Variants in HTR2C observed in about 807,000 individuals in gnomAD.
HTR2C encodes 5-hydroxytryptamine receptor 2C.
In HTR2C, 5 loss-of-function variants were observed where a neutral mutation model predicts 21.0. That is an observed-to-expected ratio of 0.24 (90% CI 0.12 to 0.50). The LOEUF (loss-of-function observed/expected upper bound fraction) is 0.50. HTR2C is among the 20% of genes least tolerant of loss of function. The pLI, the probability that HTR2C is intolerant of heterozygous loss-of-function variation, is 0.98. For synonymous variants in HTR2C, 150 were observed against 145.3 expected, an observed-to-expected ratio of 1.03 and a Z score of -0.23; for missense variants, 271 against 371.2, an observed-to-expected ratio of 0.73 and a Z score of 2.22.
intron 2 of HTR2C, among the ~76,000 whole-genome samples, chrX:114,614,686 C>T (rs1220439898): frequency 9.0e-6 from 1 of 111,657 alleles, no homozygotes; most frequent in Non-Finnish European, 1.9e-5. Context: ...ACTTAAAAAT[C>T]TCAGCAGGAG....
chrX:114,720,515 T>C (rs1933153161), intron 2 of HTR2C, among the ~76,000 whole-genome samples: 1 of 36,017 alleles, frequency 2.8e-5, no homozygotes, highest in Admixed American at 5.7e-4. Flanking sequence ...TATTTCTTTT[T>C]CTTTTTTTTT....
chrX:114,835,350 A>T (rs1234867997), intron 4 of HTR2C, among the ~76,000 whole-genome samples: 6 of 107,292 alleles, frequency 5.6e-5, no homozygotes, highest in African/African-American at 2.0e-4. Context: ...CACCAATCAG[A>T]CCTAGATTTG....
chrX:114,903,864 C>G lies in HTR2C; in HGVS notation c.551-2725C>G, dbSNP rs953491869. 6.2e-5 allele frequency among the ~76,000 whole-genome samples: 7 copies of G among 112,010 alleles called. No individual in the cohort carries two copies. The Admixed American group carries it at 6.7e-4, about 11-fold the overall frequency. Reference sequence around the variant, plus strand: ...CAAATTCCCCAGATTGAGTCTCTAGCCCCACGCTGTAGTATCTAAGGTGCT... The same window carrying G: ...CAAATTCCCCAGATTGAGTCTCTAGGCCCACGCTGTAGTATCTAAGGTGCT... On this transcript the variant is annotated intron_variant, in intron 5 of 5. Transcript: ENST00000276198.
At chrX:114,724,967 C>G (rs1475056460) in intron 2 of HTR2C, among the ~76,000 whole-genome samples, 1 of 110,415 alleles carries the variant, frequency 9.1e-6, no homozygotes, top group Non-Finnish European at 1.9e-5. Context: ...TTCATTTCAA[C>G]TTTGGTGAAT....
chrX:114,586,021 C>T (rs1241405469), intron 1 of HTR2C, among the ~76,000 whole-genome samples: 1 of 111,311 alleles, frequency 9.0e-6, no homozygotes, highest in African/African-American at 3.3e-5. Flanking sequence ...GATATCTGGG[C>T]TCCAGAGTTT....
At chrX:114,723,680 G>C (rs782430146) in intron 2 of HTR2C, among the ~76,000 whole-genome samples, 53 of 110,525 alleles carry the variant, frequency 4.8e-4, no homozygotes, top group South Asian at 1.6e-3. Flanking sequence ...TCTACACACT[G>C]CTTTGAATGC....
chrX:114,841,201 G>A (rs1324156436), intron 4 of HTR2C, among the ~76,000 whole-genome samples: 3 of 111,817 alleles, frequency 2.7e-5, no homozygotes, highest in African/African-American at 9.8e-5. Context: ...TTGCATAGGA[G>A]AAGAGCCCAG....
chrX:114,796,781 G>C (rs1423637146), intron 4 of HTR2C, among the ~76,000 whole-genome samples: 1 of 111,162 alleles, frequency 9.0e-6, no homozygotes, highest in African/African-American at 3.3e-5. Flanking sequence ...TACCTTCTGT[G>C]CCTCACTTTC....
intron 4 of HTR2C, among the ~76,000 whole-genome samples, chrX:114,836,269 T>G (rs1179016622): frequency 9.0e-6 from 1 of 111,583 alleles, no homozygotes; most frequent in African/African-American, 3.2e-5. Context: ...GTTTACCTAA[T>G]CAAGCCTGGG....
intron 4 of HTR2C, among the ~76,000 whole-genome samples, chrX:114,831,118 T>C (rs1357027415): frequency 2.3e-5 from 2 of 88,773 alleles, no homozygotes; most frequent in Non-Finnish European, 4.4e-5. Context: ...TTGGGTTGGT[T>C]CCAAGTCTTT....
intron 5 of HTR2C, among the ~76,000 whole-genome samples, chrX:114,889,948 C>T (rs1041547424): frequency 9.0e-6 from 1 of 111,373 alleles, no homozygotes; most frequent in Admixed American, 9.6e-5. Flanking sequence ...CATGTTGCTG[C>T]AAGTTTTGGG....
At chrX:114,592,707 C>T (rs1454325876) in intron 1 of HTR2C, among the ~76,000 whole-genome samples, 2 of 111,860 alleles carry the variant, frequency 1.8e-5, no homozygotes, top group African/African-American at 3.3e-5. Context: ...TTCAAATGTG[C>T]CACCTTTTAA....
chrX:114,704,041 A>G (rs1047061912), intron 2 of HTR2C, among the ~76,000 whole-genome samples: 3 of 111,474 alleles, frequency 2.7e-5, no homozygotes, highest in African/African-American at 9.8e-5. Context: ...GACCAATAAC[A>G]GCCTCTGAAA....
Position 114,907,456 on chromosome X carries a change from A to G in HTR2C, c.*41A>G, listed in dbSNP as rs2071384948. ...TCTTTTCCTACGGTACAAGCTACAT[A>G]TGTAGGAAAATTTTCTTCTTTAATT... On this transcript the variant is annotated 3_prime_UTR_variant, in exon 6 of 6. Transcript: ENST00000276198. 1 of 987,632 alleles carries G rather than the reference A, an allele frequency of 1.0e-6. No individual in the cohort carries two copies. The highest frequency in any genetic ancestry group is 1.4e-6 in the Non-Finnish European group (1 of 712,507). 81.4% of individuals were successfully genotyped at this position (987,632 alleles called of 1,213,427 possible). A position where few individuals can be genotyped will look rare whatever the true frequency, so the allele number is the denominator to read the frequency against.
At chrX:114,654,483 A>G (rs1930708072) in intron 2 of HTR2C, among the ~76,000 whole-genome samples, 1 of 109,809 alleles carries the variant, frequency 9.1e-6, no homozygotes, top group South Asian at 3.8e-4. Context: ...TTACGTAACC[A>G]TCACCAGTGT....
intron 4 of HTR2C, among the ~76,000 whole-genome samples, chrX:114,845,264 C>G (rs1556466968): frequency 9.1e-6 from 1 of 110,045 alleles, no homozygotes; most frequent in Non-Finnish European, 1.9e-5. Context: ...CAATATTAAA[C>G]AACCAATAAG....
intron 2 of HTR2C, among the ~76,000 whole-genome samples, chrX:114,703,874 G>T (rs1365626458): frequency 9.1e-6 from 1 of 109,837 alleles, no homozygotes; most frequent in Non-Finnish European, 1.9e-5. Context: ...TGATAAAGGG[G>T]ATATCACCAC....
chrX:114,683,629 A>G (rs1337783630), intron 2 of HTR2C, among the ~76,000 whole-genome samples: 3 of 110,893 alleles, frequency 2.7e-5, no homozygotes, highest in Admixed American at 1.9e-4. Flanking sequence ...TACTAAAAAC[A>G]TAAAAATTAG....
intron 1 of HTR2C, among the ~76,000 whole-genome samples, chrX:114,597,762 C>T (rs1181567683): frequency 9.0e-6 from 1 of 111,355 alleles, no homozygotes; most frequent in Non-Finnish European, 1.9e-5. Context: ...TTCGAACAAT[C>T]CATGCTACAC....
Sources: gnomAD v4.1 joint callset for allele counts (sites outside exome capture counted in the v4.1 genomes callset) on GRCh38, gnomAD v4.1.1 for gene constraint, MANE v1.5 for transcripts, NCBI Gene and HGNC (gene_info 2026-07-23, HGNC 2026-07-21) for gene names.